Variants in MGAT4C observed in about 807,000 individuals in gnomAD.
MGAT4C encodes MGAT4 family member C.
Under a neutral mutation model 40.1 loss-of-function variants are expected in MGAT4C, and 19 were observed. That is an observed-to-expected ratio of 0.47 (90% CI 0.33 to 0.70). The LOEUF (loss-of-function observed/expected upper bound fraction) is 0.70, where lower values mean the gene tolerates loss of function less well. MGAT4C is among the 30% of genes least tolerant of loss of function. MGAT4C has a pLI of 0.02. For missense variants in MGAT4C, 491 were observed against 563.2 expected (o/e 0.87, Z 1.30); for synonymous variants, 181 against 187.1 (o/e 0.97, Z 0.27).
Position 86,049,066 on chromosome 12 carries a change from G to A in MGAT4C, c.-7+608C>T, listed in dbSNP as rs537385433. 3.9e-5 allele frequency among the ~76,000 whole-genome samples: 6 copies of A among 152,040 alleles called. No individual in the cohort carries two copies. The South Asian group carries it at 1.2e-3, about 32-fold the overall frequency. On this transcript the variant is annotated intron_variant, in intron 2 of 4. Transcript: ENST00000611864. Reference sequence around the variant, plus strand: ...GTATATACTTTTAGCAGATAGACAAGGTGTAAAGTCTGATAAGAAATGGTG... The same window carrying A: ...GTATATACTTTTAGCAGATAGACAAAGTGTAAAGTCTGATAAGAAATGGTG...
chr12:86,798,041 C>T (rs1376104823), intron 1 of MGAT4C, among the ~76,000 whole-genome samples: 1 of 151,862 alleles, frequency 6.6e-6, no homozygotes, highest in South Asian at 2.1e-4. Context: ...TATCCATAAC[C>T]ATCTTACCAG....
At chr12:86,111,030 C>T (rs61931149) in intron 1 of MGAT4C, among the ~76,000 whole-genome samples, 11,376 of 151,592 alleles carry the variant, frequency 0.075, 497 homozygotes, top group Non-Finnish European at 0.1. Flanking sequence ...AGCAGTAGAA[C>T]ACTTTGCTTT....
chr12:85,992,153 G>A (rs1172804900), intron 2 of MGAT4C, among the ~76,000 whole-genome samples: 1 of 152,178 alleles, frequency 6.6e-6, no homozygotes, highest in Non-Finnish European at 1.5e-5. Flanking sequence ...CAGTCAAAAT[G>A]AAAGAAAAAT....
At chr12:86,243,550 C>T (rs749305374) in intron 1 of MGAT4C, among the ~76,000 whole-genome samples, 5 of 152,196 alleles carry the variant, frequency 3.3e-5, no homozygotes, top group Admixed American at 3.3e-4. Flanking sequence ...AGAGATTCTC[C>T]TGCTGGCTTT....
At chr12:85,990,081 AC>A (rs1319585583) in intron 2 of MGAT4C, among the ~76,000 whole-genome samples, 5 of 152,062 alleles carry the variant, frequency 3.3e-5, no homozygotes, top group African/African-American at 9.7e-5. Context: ...GTAAATCCAA[AC>A]ATATGTTTGA....
intron 2 of MGAT4C, among the ~76,000 whole-genome samples, chr12:86,461,471 T>G (rs1957600455): frequency 6.6e-6 from 1 of 152,086 alleles, no homozygotes; most frequent in Admixed American, 6.5e-5. Context: ...GGTCTCGATC[T>G]CCTGACCTCA....
At chr12:86,573,551 G>A (rs545014628) in intron 2 of MGAT4C, among the ~76,000 whole-genome samples, 6 of 151,706 alleles carry the variant, frequency 4.0e-5, no homozygotes, top group South Asian at 2.1e-4. Context: ...TTTATTGTAC[G>A]TGTAGAACTT....
At chr12:86,070,728 T>C (rs1293600563) in intron 1 of MGAT4C, among the ~76,000 whole-genome samples, 2 of 152,178 alleles carry the variant, frequency 1.3e-5, no homozygotes, top group East Asian at 1.9e-4. Flanking sequence ...AATACAGGGA[T>C]ATACTTACCA....
At chr12:86,609,918 A>G (rs1433102421) in intron 2 of MGAT4C, among the ~76,000 whole-genome samples, 4 of 152,172 alleles carry the variant, frequency 2.6e-5, no homozygotes, top group African/African-American at 7.2e-5. Flanking sequence ...TGCTTTTGCA[A>G]TCCATGAACC....
chr12:86,128,213 TC>T (rs1448585740), intron 1 of MGAT4C, among the ~76,000 whole-genome samples: 1 of 152,182 alleles, frequency 6.6e-6, no homozygotes, highest in East Asian at 1.9e-4. Flanking sequence ...ATACATGCCG[TC>T]CTTTGTTGAC....
intron 3 of MGAT4C, among the ~76,000 whole-genome samples, chr12:86,404,850 A>G (rs946804830): frequency 1.3e-5 from 2 of 152,160 alleles, no homozygotes; most frequent in African/African-American, 4.8e-5. Context: ...TTCTCTTAGT[A>G]TCATATGGGA....
At position 86,092,231 on chromosome 12, in the gene MGAT4C, A is replaced by G. The variant is rs75747742; in HGVS notation, c.-56-42508T>C. ...AAAATTTTTAAAATTGCCAGTTGAC[A>G]TGCAGAAGCAATCATGGCCTTATAG... is the stretch of plus-strand genomic sequence containing the variant. On this transcript the variant is annotated intron_variant, in intron 1 of 4. Transcript: ENST00000611864. Among the ~76,000 whole-genome samples, 15 of 152,296 alleles carry G rather than the reference A, an allele frequency of 9.8e-5. No homozygotes were observed. The East Asian group carries it at 2.9e-3, about 29-fold the overall frequency.
intron 1 of MGAT4C, among the ~76,000 whole-genome samples, chr12:86,205,220 A>G (rs839148): frequency 0.68 from 102,606 of 151,622 alleles, 35,024 homozygotes; most frequent in South Asian, 0.76. Context: ...AAATCTTGAG[A>G]TAGTAGAAAT....
chr12:86,279,815 C>T (rs1394347259), intron 4 of MGAT4C, among the ~76,000 whole-genome samples: 1 of 151,824 alleles, frequency 6.6e-6, no homozygotes, highest in African/African-American at 2.4e-5. Context: ...TGCTATATCC[C>T]ATAGATTTTG....
upstream of MGAT4C, among the ~76,000 whole-genome samples, chr12:86,260,848 T>A (rs930594612): frequency 6.6e-6 from 1 of 151,992 alleles, no homozygotes; most frequent in Non-Finnish European, 1.5e-5. Context: ...TAATTGGTAA[T>A]TGCTCAAGGG....
At chr12:86,352,876 G>A (rs1348517034) in intron 3 of MGAT4C, among the ~76,000 whole-genome samples, 1 of 151,466 alleles carries the variant, frequency 6.6e-6, no homozygotes, top group Non-Finnish European at 1.5e-5. Context: ...GTTGGGTGGG[G>A]GAAGGGGGGA....
intron 4 of MGAT4C, among the ~76,000 whole-genome samples, chr12:86,330,850 G>T (rs879887883): frequency 4.6e-5 from 7 of 152,124 alleles, no homozygotes; most frequent in Non-Finnish European, 8.8e-5. Context: ...GAGAGATAAT[G>T]GCTAGATTGA....
chr12:86,531,520 C>T (rs1958983303), intron 2 of MGAT4C, among the ~76,000 whole-genome samples: 1 of 151,942 alleles, frequency 6.6e-6, no homozygotes, highest in African/African-American at 2.4e-5. Flanking sequence ...CCTTCATTAG[C>T]AGTCAAAACA....
intron 1 of MGAT4C, among the ~76,000 whole-genome samples, chr12:86,101,377 A>G (rs1875019868): frequency 6.6e-6 from 1 of 151,864 alleles, no homozygotes; most frequent in Non-Finnish European, 1.5e-5. Flanking sequence ...ATTGGCCTTT[A>G]CAAAGAATAA....
Sources: gnomAD v4.1 joint callset for allele counts (sites outside exome capture counted in the v4.1 genomes callset) on GRCh38, gnomAD v4.1.1 for gene constraint, MANE v1.5 for transcripts, NCBI Gene and HGNC (gene_info 2026-07-23, HGNC 2026-07-21) for gene names.